The following NTRK2 variants were observed in gnomAD, a reference collection of about 807,000 sequenced individuals.
NTRK2 encodes the protein BDNF/NT-3 growth factors receptor.
A neutral mutation model predicts 94.5 loss-of-function variants in NTRK2; 13 were observed. The observed-to-expected ratio is 0.14, with a 90% confidence interval of 0.09 to 0.22. The LOEUF (loss-of-function observed/expected upper bound fraction) is 0.22. Among genes scored for constraint, NTRK2 ranks in the 10% least tolerant of loss-of-function variants. NTRK2 has a pLI of 1.00. For missense variants in NTRK2, 639 were observed against 1,071.2 expected, an observed-to-expected ratio of 0.60 and a Z score of 5.63; for synonymous variants, 372 against 407.4, an observed-to-expected ratio of 0.91 and a Z score of 1.05.
intron 12 of NTRK2, among the ~76,000 whole-genome samples, chr9:84,847,950 G>C (rs2074550851): frequency 6.6e-6 from 1 of 152,136 alleles, no homozygotes; most frequent in Non-Finnish European, 1.5e-5. Flanking sequence ...AGTTCTGGAG[G>C]CTACAAGTCC....
chr9:84,764,908 CAACATGGATGG>C (rs1456242083), intron 12 of NTRK2, among the ~76,000 whole-genome samples: 1 of 152,100 alleles, frequency 6.6e-6, no homozygotes, highest in Non-Finnish European at 1.5e-5. Context: ...TCATTTGCAC[CAACATGGATGG>C]AACTGGGGTC....
intron 17 of NTRK2, among the ~76,000 whole-genome samples, chr9:84,965,365 C>T (rs1825431995): frequency 2.0e-5 from 3 of 152,156 alleles, no homozygotes; most frequent in Admixed American, 6.5e-5. Context: ...GAAAACCACA[C>T]GTGTCCTGGG....
At chr9:84,942,675 A>G (rs1431261136) in intron 15 of NTRK2, among the ~76,000 whole-genome samples, 1 of 152,170 alleles carries the variant, frequency 6.6e-6, no homozygotes, top group Non-Finnish European at 1.5e-5. Flanking sequence ...TATTTAACTC[A>G]ACATATCTAT....
intron 15 of NTRK2, among the ~76,000 whole-genome samples, chr9:84,938,184 G>T (rs142096111): frequency 5.5e-4 from 83 of 152,262 alleles, no homozygotes; most frequent in Middle Eastern, 3.4e-3. Context: ...AAGCACTTTC[G>T]TTGGAATCTG....
At chr9:84,925,077 C>G (rs1258796953) in intron 14 of NTRK2, among the ~76,000 whole-genome samples, 1 of 152,178 alleles carries the variant, frequency 6.6e-6, no homozygotes, top group East Asian at 1.9e-4. Context: ...CAGAAGTTAG[C>G]TCACTGAAAA....
Position 84,745,076 on chromosome 9 carries a change from G to C in NTRK2, c.1296+3G>C. ...AAACCGGTCGGGAACATCTCTCGGT[G>C]AGTGGAATAAATAGGTGTCTGAATT... On this transcript the variant is annotated splice_donor_region_variant and intron_variant, in intron 11 of 18. Transcript: ENST00000277120. 6.2e-7 allele frequency: 1 copy of C among 1,608,126 alleles called. No homozygotes were observed. Among genetic ancestry groups the C allele is most frequent in the Non-Finnish European group, 8.5e-7 (1 of 1,174,514 alleles).
intron 17 of NTRK2, among the ~76,000 whole-genome samples, chr9:85,013,220 G>A (rs1171401760): frequency 2.6e-5 from 4 of 152,166 alleles, no homozygotes; most frequent in Non-Finnish European, 4.4e-5. Context: ...CTTTGTAGTA[G>A]GAGAATTCTC....
At chr9:84,840,362 G>GT (rs755195677) in intron 12 of NTRK2, among the ~76,000 whole-genome samples, 22 of 139,872 alleles carry the variant, frequency 1.6e-4, no homozygotes, top group Non-Finnish European at 2.7e-4. Flanking sequence ...TAAGGTCACT[G>GT]TTTTTTTGAG....
chr9:84,890,086 C>A (rs1418489102), intron 14 of NTRK2, among the ~76,000 whole-genome samples: 2 of 152,176 alleles, frequency 1.3e-5, no homozygotes, highest in East Asian at 3.9e-4. Flanking sequence ...TTCTTTAGTT[C>A]TTTTGCATCT....
chr9:84,695,887 T>G (rs994913522), intron 2 of NTRK2, among the ~76,000 whole-genome samples: 6 of 152,238 alleles, frequency 3.9e-5, no homozygotes, highest in African/African-American at 1.4e-4. Flanking sequence ...TGTCTCTCCT[T>G]AGAGCATCAT....
intron 17 of NTRK2, among the ~76,000 whole-genome samples, chr9:84,973,075 G>A (rs1438911456): frequency 6.6e-6 from 1 of 152,100 alleles, no homozygotes; most frequent in Non-Finnish European, 1.5e-5. Context: ...AAAAGTCTTG[G>A]TATCTCATTA....
chr9:85,002,414 G>A (rs1018577901), intron 17 of NTRK2, among the ~76,000 whole-genome samples: 5 of 152,164 alleles, frequency 3.3e-5, no homozygotes, highest in African/African-American at 9.7e-5. Flanking sequence ...GGTGCTGTGG[G>A]TGTCTCTTGG....
chr9:84,760,269 G>T (rs2065433878), intron 12 of NTRK2, among the ~76,000 whole-genome samples: 1 of 152,138 alleles, frequency 6.6e-6, no homozygotes, highest in East Asian at 1.9e-4. Flanking sequence ...GTGATTATAA[G>T]AATTAAATCA....
At position 84,807,316 on chromosome 9, in the gene NTRK2, C is replaced by A. The variant is rs535827658; in HGVS notation, c.1397-53724C>A. Among the ~76,000 whole-genome samples the A allele has an allele frequency of 2.6e-5, 4 of 152,312 alleles. No individual in the cohort carries two copies. In the South Asian group the frequency reaches 6.2e-4, roughly 24 times the overall value. On this transcript the variant is annotated intron_variant, in intron 12 of 18. Transcript: ENST00000277120. ...CCTTCAACTCCCTTCCCTTCCCAGT[C>A]TTTCCCTTTGAAAAGGTCAATGAGT...
Position 84,679,712 on chromosome 9 carries a change from A to T in NTRK2, c.212+8752A>T, listed in dbSNP as rs1296424630. 2.0e-5 allele frequency among the ~76,000 whole-genome samples: 3 copies of T among 152,158 alleles called. No homozygotes were observed. The East Asian group carries it at 5.8e-4, about 29-fold the overall frequency. On this transcript the variant is annotated intron_variant, in intron 2 of 18. Coordinates refer to ENST00000277120, the MANE Select transcript of NTRK2 (RefSeq NM_006180.6). ...AGCACTAGTGTTTCCTTTTCTGTTCAAGAATTCACCATTGCCTTCACTCCA... is the reference window on the plus strand; with the variant it reads ...AGCACTAGTGTTTCCTTTTCTGTTCTAGAATTCACCATTGCCTTCACTCCA...
At chr9:84,880,193 AT>A (rs1249742633) in intron 14 of NTRK2, among the ~76,000 whole-genome samples, 4 of 152,160 alleles carry the variant, frequency 2.6e-5, no homozygotes. Flanking sequence ...AGCATATCTG[AT>A]TTCCTAGGTG....
intron 12 of NTRK2, among the ~76,000 whole-genome samples, chr9:84,772,392 A>G (rs1291673749): frequency 2.0e-5 from 3 of 152,108 alleles, no homozygotes; most frequent in Non-Finnish European, 4.4e-5. Flanking sequence ...TGTAGCTGGG[A>G]TTACAGGCAT....
intron 17 of NTRK2, among the ~76,000 whole-genome samples, chr9:85,010,354 G>A (rs916694488): frequency 3.9e-5 from 6 of 152,160 alleles, no homozygotes; most frequent in Admixed American, 1.3e-4. Context: ...GGTAGTCTCC[G>A]TGATTTTCAC....
intron 8 of NTRK2, 43 bp downstream of exon 8, chr9:84,724,399 A>G: frequency 2.5e-6 from 4 of 1,613,236 alleles, no homozygotes; most frequent in Non-Finnish European, 3.4e-6. Flanking sequence ...GCAAATGATC[A>G]TGGACGTACC....
Sources: gnomAD v4.1 joint callset for allele counts (sites outside exome capture counted in the v4.1 genomes callset) on GRCh38, gnomAD v4.1.1 for gene constraint, MANE v1.5 for transcripts, NCBI Gene and HGNC (gene_info 2026-07-23, HGNC 2026-07-21) for gene names.